The following ZNF385C variants were observed in gnomAD, a reference collection of about 807,000 sequenced individuals.
ZNF385C encodes the protein CTD-2132N18.2.
ZNF385C carries 28 observed loss-of-function variants against 35.4 expected under a neutral mutation model. The observed-to-expected ratio is 0.79, with a 90% CI of 0.59 to 1.08. The LOEUF (loss-of-function observed/expected upper bound fraction) is 1.08. ZNF385C is among the 50% of genes least tolerant of loss of function. ZNF385C has a pLI of 0.00. For missense variants in ZNF385C, 605 were observed against 595.6 expected (o/e 1.02, Z -0.16); for synonymous variants, 248 against 248.2 (o/e 1.00, Z 0.01).
intron 2 of ZNF385C, among the ~76,000 whole-genome samples, chr17:42,057,287 G>A (rs2053390906): frequency 6.6e-6 from 1 of 152,214 alleles, no homozygotes; most frequent in Non-Finnish European, 1.5e-5. Flanking sequence ...GCTGGGTGAG[G>A]AGGAAATGCC....
At chr17:42,044,989 C>A (rs1555656490) in intron 2 of ZNF385C, among the ~76,000 whole-genome samples, 1 of 149,060 alleles carries the variant, frequency 6.7e-6, no homozygotes, top group East Asian at 2.0e-4. Context: ...GCAATCTTGG[C>A]TCACTGCAAG....
intron 2 of ZNF385C, chr17:42,040,419 G>C: frequency 8.1e-7 from 1 of 1,232,078 alleles, no homozygotes. Flanking sequence ...GAGCTTGGAG[G>C]GAGGCCGCAG....
In ZNF385C at chr17:42,029,067, G is replaced by A. The variant is rs1325410542; in HGVS notation, c.683C>T (p.Ala228Val). Residue 228 changes from alanine (A) to valine (V), a missense_variant, in exon 6 of 9, where the codon GCA (alanine) becomes GTA (valine). Ala to Val is a moderately conservative substitution (Grantham distance 64, BLOSUM62 0). Transcript: ENST00000692273. ...GAGTGGAGGCCCAAGAGGAGGGGCT[G>A]CAGGAACTGCTGCAGAGATGGAAGA... ...APGEPQSKVP[A>V]APPLGPPLQP... The A allele has an allele frequency of 8.4e-6, 13 of 1,548,818 alleles. No homozygotes were observed. Among genetic ancestry groups the A allele is most frequent in the Admixed American group, 3.9e-5 (2 of 50,978 alleles).
At chr17:42,052,978 C>T (rs1293854431) in intron 2 of ZNF385C, among the ~76,000 whole-genome samples, 1 of 152,118 alleles carries the variant, frequency 6.6e-6, no homozygotes, top group South Asian at 2.1e-4. Flanking sequence ...CCAAACTCTG[C>T]GAAGAATATG....
At chr17:42,072,541 G>A (rs1012292819) in intron 1 of ZNF385C, among the ~76,000 whole-genome samples, 2 of 152,016 alleles carry the variant, frequency 1.3e-5, no homozygotes, top group Admixed American at 6.5e-5. Context: ...GTGCGGGCCC[G>A]AGTCCGGCGC....
At chr17:42,039,509 T>G in intron 2 of ZNF385C, 2 of 379,534 alleles carry the variant, frequency 5.3e-6, no homozygotes, top group East Asian at 4.2e-5. Context: ...CAGGCCCCTC[T>G]TGAGCCAGTC....
rs2053266313 is a variant in ZNF385C at position 42,050,751 on chromosome 17, C to T, written c.250+12056G>A. Reference sequence around the variant, plus strand: ...GCGCCCACCTGCGGCGCCTCCCGCCCAGCGCGCTCAGCCCGGCCCCGGCCC... The same window carrying T: ...GCGCCCACCTGCGGCGCCTCCCGCCTAGCGCGCTCAGCCCGGCCCCGGCCC... On this transcript the variant is annotated intron_variant, in intron 2 of 8. Transcript: ENST00000692273. This position sits in a 1 kb window ranked among gnomAD's most constrained non-coding sequence, Gnocchi z 5.6. 1 of 150,796 alleles carries T rather than the reference C, an allele frequency of 6.6e-6. No homozygotes were observed. Among genetic ancestry groups the T allele is most frequent in the African/African-American group, 2.4e-5 (1 of 41,236 alleles). 9.3% of individuals were successfully genotyped at this position (150,796 alleles called of 1,614,324 possible). A position where few individuals can be genotyped will look rare whatever the true frequency, so the allele number is the denominator to read the frequency against.
intron 8 of ZNF385C, 39 bp from the exon 9 acceptor site, chr17:42,027,172 C>A: frequency 1.9e-6 from 3 of 1,581,978 alleles, no homozygotes; most frequent in Non-Finnish European, 2.6e-6. Context: ...GTCTCCACCC[C>A]AGAAAACCCC....
intron 1 of ZNF385C, among the ~76,000 whole-genome samples, chr17:42,087,694 GACAGGAGGT>G (rs2053823540): frequency 6.6e-6 from 1 of 152,194 alleles, no homozygotes; most frequent in African/African-American, 2.4e-5. Context: ...GGGAATCCGA[GACAGGAGGT>G]TCACTTGAGG....
intron 2 of ZNF385C, among the ~76,000 whole-genome samples, chr17:42,058,620 TC>T (rs1378053967): frequency 6.6e-6 from 1 of 152,200 alleles, no homozygotes; most frequent in Non-Finnish European, 1.5e-5. Context: ...GTGCTCCCCC[TC>T]GCCCTGCCCC....
At chr17:42,036,518 C>A (rs2052859381) in intron 3 of ZNF385C, among the ~76,000 whole-genome samples, 1 of 151,812 alleles carries the variant, frequency 6.6e-6, no homozygotes, top group Admixed American at 6.6e-5. Flanking sequence ...TATAGTGAGA[C>A]CTCATCTCTG....
At chr17:42,060,859 G>T (rs987815489) in intron 2 of ZNF385C, among the ~76,000 whole-genome samples, 7 of 152,130 alleles carry the variant, frequency 4.6e-5, no homozygotes, top group African/African-American at 9.7e-5. Flanking sequence ...GGGACTACAG[G>T]TGCTCACCAC....
At chr17:42,077,306 T>C (rs1555659338) in intron 1 of ZNF385C, among the ~76,000 whole-genome samples, 2 of 152,098 alleles carry the variant, frequency 1.3e-5, no homozygotes, top group African/African-American at 2.4e-5. Context: ...TGGTGTGACA[T>C]CATGCCTGCA....
At position 42,028,127 on chromosome 17, in the gene ZNF385C, C is replaced by T. The variant is rs782526581; in HGVS notation, c.1087G>A (p.Gly363Ser). Reference sequence around the variant, plus strand: ...AAGGCAGGGCTGGGCCCCTGCCGGCCGCCCCGGCCCCCTGTGACTCTCTTG... The same window carrying T: ...AAGGCAGGGCTGGGCCCCTGCCGGCTGCCCCGGCCCCCTGTGACTCTCTTG... Reference protein sequence around the residue: ...KAKRVTGGRGGRQGPSPAFHC... With the variant: ...KAKRVTGGRGSRQGPSPAFHC... The change falls in exon 7 of 9, where the codon GGC becomes AGC. Residue 363 changes from glycine to serine, a missense_variant. Physicochemically the swap from Gly to Ser is moderately conservative, Grantham distance 56. Transcript: ENST00000692273. 1.4e-5 allele frequency: 23 copies of T among 1,612,744 alleles called. No homozygotes were observed. The highest frequency in any genetic ancestry group is 4.5e-5 in the East Asian group (2 of 44,832).
intron 1 of ZNF385C, among the ~76,000 whole-genome samples, chr17:42,070,238 G>A (rs1294468355): frequency 6.6e-6 from 1 of 152,096 alleles, no homozygotes; most frequent in Non-Finnish European, 1.5e-5. Context: ...CCACTACTCA[G>A]GAGGCTGAGG....
At chr17:42,036,818 C>T (rs1157091955) in intron 3 of ZNF385C, among the ~76,000 whole-genome samples, 2 of 152,078 alleles carry the variant, frequency 1.3e-5, no homozygotes, top group Non-Finnish European at 2.9e-5. Flanking sequence ...GCCTCAGACT[C>T]CTTAGGACCT....
intron 1 of ZNF385C, among the ~76,000 whole-genome samples, chr17:42,077,989 C>T (rs1395772858): frequency 3.3e-5 from 5 of 152,212 alleles, no homozygotes; most frequent in Non-Finnish European, 7.3e-5. Flanking sequence ...GAGGACGGCA[C>T]CACCTCCTGC....
chr17:42,079,297 G>T (rs891522399), intron 1 of ZNF385C, among the ~76,000 whole-genome samples: 4 of 148,396 alleles, frequency 2.7e-5, no homozygotes, highest in Non-Finnish European at 5.9e-5. Flanking sequence ...CCAACTACTG[G>T]GGAGACTGAG....
chr17:42,060,628 C>T (rs1340394656), intron 2 of ZNF385C, among the ~76,000 whole-genome samples: 1 of 152,244 alleles, frequency 6.6e-6, no homozygotes, highest in Non-Finnish European at 1.5e-5. Flanking sequence ...CCGGCTGCTT[C>T]CCTGCCTGGG....
Sources: allele counts gnomAD v4.1 joint callset (sites outside exome capture counted in the v4.1 genomes callset), GRCh38; gene constraint gnomAD v4.1.1; non-coding constraint Gnocchi (gnomAD v3.1); transcripts MANE v1.5; gene names NCBI Gene and HGNC (gene_info 2026-07-23, HGNC 2026-07-21).